The following TRPM3 variants were observed in gnomAD, a reference collection of about 807,000 sequenced individuals.
TRPM3 encodes the protein transient receptor potential cation channel subfamily M member 3, also known as long transient receptor potential channel 3.
TRPM3 carries 77 observed loss-of-function variants against 181.2 expected under a neutral mutation model. The ratio of observed to expected loss-of-function variants is 0.42; its 90% CI spans 0.35 to 0.51. TRPM3 has a LOEUF of 0.51. TRPM3 is among the 20% of genes least tolerant of loss of function. The pLI is 0.01. For synonymous variants in TRPM3, 745 were observed against 796.4 expected, an observed-to-expected ratio of 0.94 and a Z score of 1.09; for missense variants, 1,759 against 2,196.7, an observed-to-expected ratio of 0.80 and a Z score of 3.98.
intron 1 of TRPM3, among the ~76,000 whole-genome samples, chr9:71,195,854 G>A (rs749546413): frequency 3.8e-4 from 57 of 151,292 alleles, no homozygotes; most frequent in Non-Finnish European, 6.4e-4. Flanking sequence ...AGCTAACACA[G>A]GAACAGAAAA....
chr9:71,417,686 C>A (rs928655839), intron 1 of TRPM3, among the ~76,000 whole-genome samples: 1 of 151,938 alleles, frequency 6.6e-6, no homozygotes, highest in Non-Finnish European at 1.5e-5. Context: ...AATGGAAATA[C>A]TACAGAGCAC....
intron 1 of TRPM3, among the ~76,000 whole-genome samples, chr9:71,162,687 A>G (rs946077002): frequency 1.3e-5 from 2 of 152,160 alleles, no homozygotes; most frequent in African/African-American, 4.8e-5. Flanking sequence ...TATTTCATTC[A>G]TTTATATATT....
intron 1 of TRPM3, among the ~76,000 whole-genome samples, chr9:71,146,177 T>C (rs764584981): frequency 6.6e-6 from 1 of 152,198 alleles, no homozygotes; most frequent in Non-Finnish European, 1.5e-5. Context: ...CCTTAGACGT[T>C]CCTTCGTTTT....
intron 7 of TRPM3, among the ~76,000 whole-genome samples, chr9:70,769,223 C>T (rs2079734972): frequency 6.6e-6 from 1 of 152,174 alleles, no homozygotes; most frequent in African/African-American, 2.4e-5. Flanking sequence ...CAGCTAGGCT[C>T]ATCTCCTGCC....
chr9:70,840,583 G>A (rs989530503), intron 5 of TRPM3, among the ~76,000 whole-genome samples: 1 of 151,918 alleles, frequency 6.6e-6, no homozygotes, highest in Non-Finnish European at 1.5e-5. Flanking sequence ...GTTTCTAGTT[G>A]CATACAACCA....
At position 70,744,329 on chromosome 9, in the gene TRPM3, C is replaced by CAA. The variant is rs11408759; in HGVS notation, c.1272+17270_1272+17271dup. 6.4e-3 allele frequency among the ~76,000 whole-genome samples: 918 copies of CAA among 142,650 alleles called. 10 individuals are homozygous for CAA. Among genetic ancestry groups the CAA allele is most frequent in the African/African-American group, 0.018 (688 of 39,026 alleles). 93.6% of individuals were successfully genotyped at this position (142,650 alleles called of 152,430 possible). A position where few individuals can be genotyped will look rare whatever the true frequency, so the allele number is the denominator to read the frequency against. ...GGTGACAAGAGCAAAATCTCTGTCT[C>CAA]AAAAAAAAAAAAGTAAAAAGAAAAA... On this transcript the variant is annotated intron_variant, in intron 8 of 25. Transcript: ENST00000677713.
chr9:71,424,325 A>G (rs894649767), intron 1 of TRPM3, among the ~76,000 whole-genome samples: 1 of 152,148 alleles, frequency 6.6e-6, no homozygotes, highest in African/African-American at 2.4e-5. Flanking sequence ...TTTTAAAAAC[A>G]GATTGGGGTT....
Position 71,376,034 on chromosome 9 carries a change from T to C in TRPM3, c.183+70619A>G, listed in dbSNP as rs530674773. 5.3e-5 allele frequency among the ~76,000 whole-genome samples: 8 copies of C among 152,198 alleles called. No homozygotes were observed. The South Asian group carries it at 1.7e-3, about 32-fold the overall frequency. ...CTGTGTATTATACTGTAATAAAACATATCTTTGATAAAATTAAATGATGCA... is the reference window on the plus strand; with the variant it reads ...CTGTGTATTATACTGTAATAAAACACATCTTTGATAAAATTAAATGATGCA... On this transcript the variant is annotated intron_variant, in intron 1 of 24. Transcript: ENST00000357533.
At chr9:71,337,179 G>A (rs1424881248) in intron 1 of TRPM3, among the ~76,000 whole-genome samples, 1 of 150,922 alleles carries the variant, frequency 6.6e-6, no homozygotes, top group Non-Finnish European at 1.5e-5. Flanking sequence ...CTACAGAATG[G>A]AAGCCCATCG....
intron 1 of TRPM3, among the ~76,000 whole-genome samples, chr9:71,198,802 A>G (rs1049960242): frequency 1.4e-5 from 2 of 144,854 alleles, no homozygotes; most frequent in Non-Finnish European, 3.0e-5. Context: ...TAGATATACA[A>G]TCATGTCATC....
intron 7 of TRPM3, among the ~76,000 whole-genome samples, chr9:70,782,041 A>G (rs1334382482): frequency 2.6e-5 from 4 of 152,144 alleles, no homozygotes; most frequent in Non-Finnish European, 4.4e-5. Context: ...GTGCATTCTG[A>G]ATGCAAATTT....
chr9:71,442,574 T>C (rs2094149346), intron 1 of TRPM3, among the ~76,000 whole-genome samples: 1 of 152,196 alleles, frequency 6.6e-6, no homozygotes, highest in Non-Finnish European at 1.5e-5. Context: ...ATATTTTACC[T>C]AAATAAAAAT....
chr9:70,567,499 T>C (rs903233552), intron 22 of TRPM3, among the ~76,000 whole-genome samples: 1 of 152,202 alleles, frequency 6.6e-6, no homozygotes, highest in Non-Finnish European at 1.5e-5. Context: ...ACTGGTGACA[T>C]GTCAAATCTA....
intron 1 of TRPM3, among the ~76,000 whole-genome samples, chr9:71,407,827 G>A (rs775414989): frequency 6.6e-6 from 1 of 152,140 alleles, no homozygotes; most frequent in Non-Finnish European, 1.5e-5. Context: ...CTCCCAATAG[G>A]GGCCAACTGA....
At chr9:71,229,301 T>G (rs2080894090) in intron 1 of TRPM3, among the ~76,000 whole-genome samples, 1 of 152,144 alleles carries the variant, frequency 6.6e-6, no homozygotes, top group Non-Finnish European at 1.5e-5. Context: ...TCTCTCACCA[T>G]ATACAAAAAT....
At chr9:70,542,663 T>C (rs939450491) in intron 25 of TRPM3, among the ~76,000 whole-genome samples, 10 of 152,220 alleles carry the variant, frequency 6.6e-5, no homozygotes, top group African/African-American at 2.4e-4. Context: ...TATCTGCTTT[T>C]CTGATAACCT....
chr9:71,214,395 G>A (rs910516363), intron 1 of TRPM3, among the ~76,000 whole-genome samples: 4 of 152,098 alleles, frequency 2.6e-5, no homozygotes, highest in Non-Finnish European at 5.9e-5. Context: ...CCATTCCTGG[G>A]TATCTGCTTA....
At chr9:70,861,135 A>T (rs1488043703) in intron 3 of TRPM3, among the ~76,000 whole-genome samples, 1 of 152,196 alleles carries the variant, frequency 6.6e-6, no homozygotes, top group Non-Finnish European at 1.5e-5. Flanking sequence ...GGACTTGTAA[A>T]AAACAGTAGA....
chr9:71,064,097 C>T (rs111880393), intron 1 of TRPM3, among the ~76,000 whole-genome samples: 2,090 of 152,102 alleles, frequency 0.014, 39 homozygotes, highest in African/African-American at 0.048. Flanking sequence ...TTAATACTAC[C>T]CTCTCATATT....
Sources: allele counts gnomAD v4.1 joint callset (sites outside exome capture counted in the v4.1 genomes callset), GRCh38; gene constraint gnomAD v4.1.1; transcripts MANE v1.5; gene names NCBI Gene and HGNC (gene_info 2026-07-23, HGNC 2026-07-21).